The following ATAD2B variants were observed in gnomAD, a reference collection of about 807,000 sequenced individuals.
ATAD2B encodes ATPase family AAA domain-containing protein 2B.
A neutral mutation model predicts 167.6 loss-of-function variants in ATAD2B; 40 were observed. The observed-to-expected ratio is 0.24, with a 90% CI of 0.19 to 0.31. ATAD2B has a LOEUF of 0.31. Among genes scored for constraint, ATAD2B ranks in the 10% least tolerant of loss-of-function variants. The pLI, the probability that ATAD2B is intolerant of heterozygous loss-of-function variation, is 1.00. For synonymous variants in ATAD2B, 579 were observed against 596.5 expected, an observed-to-expected ratio of 0.97 and a Z score of 0.43; for missense variants, 1,242 against 1,757.2, an observed-to-expected ratio of 0.71 and a Z score of 5.24.
chr2:23,802,485 G>T (rs1161616575), intron 18 of ATAD2B, among the ~76,000 whole-genome samples: 1 of 151,934 alleles, frequency 6.6e-6, no homozygotes, highest in Admixed American at 6.6e-5. Context: ...ACCTGTACTA[G>T]TTTCTGAACT....
intron 21 of ATAD2B, among the ~76,000 whole-genome samples, chr2:23,783,940 G>A (rs923305657): frequency 2.0e-5 from 3 of 151,950 alleles, no homozygotes; most frequent in South Asian, 2.1e-4. Context: ...ACACACACAC[G>A]CACATATATG....
rs1374520448 is a variant in ATAD2B at position 23,751,351 on chromosome 2, T to C, written c.*695A>G. The C allele has an allele frequency of 2.0e-5, 3 of 152,172 alleles. No individual in the cohort carries two copies. The highest frequency in any genetic ancestry group is 7.2e-5 in the African/African-American group (3 of 41,454). 9.4% of individuals were successfully genotyped at this position (152,172 alleles called of 1,614,324 possible). A position where few individuals can be genotyped will look rare whatever the true frequency, so the allele number is the denominator to read the frequency against. ...AGACAGGCATTTCATACCCAAACAC[T>C]GGTTGTCTCTTAATGACATAGAGTA... On this transcript the variant is annotated 3_prime_UTR_variant, in exon 28 of 28. Coordinates refer to ENST00000238789, the MANE Select transcript of ATAD2B (RefSeq NM_017552.4).
In ATAD2B at chr2:23,926,779, CA is replaced by C; in HGVS notation, c.-10del. 6.6e-7 allele frequency: 1 copy of C among 1,521,670 alleles called. No homozygotes were observed. Among genetic ancestry groups the C allele is most frequent in the East Asian group, 2.5e-5 (1 of 39,992 alleles). 94.3% of individuals were successfully genotyped at this position (1,521,670 alleles called of 1,614,324 possible). On this transcript the variant is annotated 5_prime_UTR_variant, in exon 1 of 28. Transcript: ENST00000238789. ...TTCCGGGTGTTCACCATGGTCCAGC[CA>C]GGGGGACGGAGTCCACGCCGCGCCC...
intron 13 of ATAD2B, among the ~76,000 whole-genome samples, chr2:23,849,594 C>T (rs984552820): frequency 7.2e-5 from 11 of 152,274 alleles, no homozygotes; most frequent in Middle Eastern, 3.4e-3. Flanking sequence ...CACTGCCTGT[C>T]GAGGCAGGCA....
Position 23,757,785 on chromosome 2 carries a change from T to A in ATAD2B, c.3711A>T (p.Glu1237Asp). 5.7e-6 allele frequency: 9 copies of A among 1,578,942 alleles called. No homozygotes were observed. The highest frequency in any genetic ancestry group is 7.7e-6 in the Non-Finnish European group (9 of 1,167,016). ...TKENFASTEE[E>D]SSNESLLVNS... ...TGACCAGTAGAGATTCATTTGAACT[T>A]TCCTCCTCAGTAGATGCAAAGTTCT... Residue 1237 changes from glutamate to aspartate, a missense_variant, in exon 25 of 28, where the codon GAA (glutamate) becomes GAT (aspartate). By Grantham distance (45) the Glu-to-Asp change is conservative. Around this residue, in one of 9 missense-constraint regions of ATAD2B, gnomAD observed 282 missense variants for 346.8 expected, o/e 0.81. Transcript: ENST00000238789.
At chr2:23,822,410 C>T (rs1340401065) in intron 16 of ATAD2B, among the ~76,000 whole-genome samples, 1 of 151,714 alleles carries the variant, frequency 6.6e-6, no homozygotes. Context: ...CTGGGCGTGG[C>T]GGCACACGCC....
the ATAD2B span, among the ~76,000 whole-genome samples, chr2:23,738,959 T>A: frequency 1.3e-5 from 2 of 152,106 alleles, no homozygotes; most frequent in Non-Finnish European, 2.9e-5. Flanking sequence ...AAGAAGGCCA[T>A]TACATAATGA....
At chr2:23,819,556 G>C (rs1687138908) in intron 17 of ATAD2B, among the ~76,000 whole-genome samples, 191 bp downstream of exon 17, 1 of 151,074 alleles carries the variant, frequency 6.6e-6, no homozygotes, top group African/African-American at 2.4e-5. Context: ...AAACACCTAG[G>C]TAGTTAACCA....
chr2:23,880,844 A>T (rs1302837911), intron 6 of ATAD2B, 89 bp from the exon 7 acceptor site: 1 of 761,768 alleles, frequency 1.3e-6, no homozygotes, highest in Non-Finnish European at 2.2e-6. Flanking sequence ...TTTACACTTT[A>T]TCCATTACTC....
At chr2:23,728,121 G>A in the ATAD2B span, among the ~76,000 whole-genome samples, 5 of 152,144 alleles carry the variant, frequency 3.3e-5, no homozygotes, top group African/African-American at 1.2e-4. Context: ...ACTAATGCAA[G>A]ATGTTAATAA....
At chr2:23,825,085 A>G (rs1447211797) in intron 15 of ATAD2B, among the ~76,000 whole-genome samples, 2 of 149,542 alleles carry the variant, frequency 1.3e-5, no homozygotes, top group African/African-American at 2.5e-5. Context: ...CTGAGACTAC[A>G]GTGTGTGCCA....
At chr2:23,758,447 A>G (rs1217899223) in intron 24 of ATAD2B, among the ~76,000 whole-genome samples, 1 of 152,226 alleles carries the variant, frequency 6.6e-6, no homozygotes, top group Non-Finnish European at 1.5e-5. Flanking sequence ...GAATGACCAC[A>G]TTACCAGGCT....
intron 13 of ATAD2B, among the ~76,000 whole-genome samples, chr2:23,850,748 C>T (rs1460184364): frequency 6.6e-6 from 1 of 152,176 alleles, no homozygotes; most frequent in Admixed American, 6.5e-5. Context: ...AGATACGTGT[C>T]ATTACACATT....
chr2:23,832,273 A>G, intron 14 of ATAD2B: 1 of 467,324 alleles, frequency 2.1e-6, no homozygotes, highest in Non-Finnish European at 4.4e-6. Flanking sequence ...CTTAAAAACT[A>G]TTTAAGGGAA....
chr2:23,684,158 G>C, the ATAD2B span, among the ~76,000 whole-genome samples: 1 of 151,844 alleles, frequency 6.6e-6, no homozygotes, highest in African/African-American at 2.4e-5. This position sits in a 1 kb window ranked among gnomAD's most constrained non-coding sequence, Gnocchi z 4.4. Context: ...TATCATATTT[G>C]GTTTTTTTGC....
At chr2:23,783,344 T>C (rs1421934790) in intron 21 of ATAD2B, among the ~76,000 whole-genome samples, 2 of 151,350 alleles carry the variant, frequency 1.3e-5, no homozygotes, top group Non-Finnish European at 1.5e-5. Context: ...TGGGCAAAAG[T>C]TCCCAATGAG....
the ATAD2B span, among the ~76,000 whole-genome samples, chr2:23,714,751 A>C: frequency 6.6e-6 from 1 of 151,840 alleles, no homozygotes; most frequent in South Asian, 2.1e-4. Flanking sequence ...GCTACTCGGG[A>C]AGCTGAGGCA....
chr2:23,734,096 A>C, the ATAD2B span, among the ~76,000 whole-genome samples: 1 of 152,174 alleles, frequency 6.6e-6, no homozygotes, highest in African/African-American at 2.4e-5. Flanking sequence ...AGGTTGGGTC[A>C]AGTTCCTGTA....
chr2:23,699,466 C>T, the ATAD2B span, among the ~76,000 whole-genome samples: 1 of 152,226 alleles, frequency 6.6e-6, no homozygotes, highest in Non-Finnish European at 1.5e-5. Context: ...GACAGAAACA[C>T]TGAGGACCGA....
Sources: allele counts gnomAD v4.1 joint callset (sites outside exome capture counted in the v4.1 genomes callset), GRCh38; gene constraint gnomAD v4.1.1; regional missense constraint gnomAD v4.1.1; non-coding constraint Gnocchi (gnomAD v3.1); transcripts MANE v1.5; gene names NCBI Gene and HGNC (gene_info 2026-07-23, HGNC 2026-07-21).